ANKS1B: variants seen among roughly 807,000 people sequenced by gnomAD.
ANKS1B encodes the protein ankyrin repeat and sterile alpha motif domain-containing protein 1B.
In ANKS1B, 36 loss-of-function variants were observed where a neutral mutation model predicts 148.3. That is an observed-to-expected ratio of 0.24 (90% CI 0.19 to 0.32). ANKS1B has a LOEUF of 0.32. Ranked by LOEUF, ANKS1B falls within the 10% of genes least tolerant of loss-of-function variation. The pLI is 1.00. For missense variants in ANKS1B, 1,157 were observed against 1,542.6 expected, an observed-to-expected ratio of 0.75 and a Z score of 4.19; for synonymous variants, 542 against 560.8, an observed-to-expected ratio of 0.97 and a Z score of 0.47.
At chr12:98,999,172 T>C (rs746922376) in intron 17 of ANKS1B, among the ~76,000 whole-genome samples, 30 of 152,222 alleles carry the variant, frequency 2.0e-4, no homozygotes, top group Non-Finnish European at 3.8e-4. Flanking sequence ...GAGCTTTAAA[T>C]TTCCTGTGAA....
At chr12:99,449,869 A>T (rs928267860) in intron 10 of ANKS1B, among the ~76,000 whole-genome samples, 5 of 152,014 alleles carry the variant, frequency 3.3e-5, no homozygotes, top group African/African-American at 1.2e-4. Flanking sequence ...TTATCCAGAG[A>T]AATAGGACCA....
At chr12:99,300,826 G>A (rs1278292789) in intron 12 of ANKS1B, among the ~76,000 whole-genome samples, 1 of 152,174 alleles carries the variant, frequency 6.6e-6, no homozygotes, top group African/African-American at 2.4e-5. Flanking sequence ...TGATGCACAT[G>A]TAAAGGCTAG....
intron 9 of ANKS1B, among the ~76,000 whole-genome samples, chr12:99,615,679 C>T (rs1046831882): frequency 1.3e-5 from 2 of 152,102 alleles, no homozygotes; most frequent in African/African-American, 4.8e-5. Context: ...AACCCATAGC[C>T]AATATCATAC....
At chr12:99,616,483 G>A (rs1392917410) in intron 9 of ANKS1B, among the ~76,000 whole-genome samples, 23 of 151,834 alleles carry the variant, frequency 1.5e-4, no homozygotes, top group South Asian at 6.2e-4. Flanking sequence ...CAGAAATAAC[G>A]CCACACATCT....
At chr12:99,884,050 A>T (rs1391716302) in intron 1 of ANKS1B, among the ~76,000 whole-genome samples, 1 of 152,200 alleles carries the variant, frequency 6.6e-6, no homozygotes, top group Non-Finnish European at 1.5e-5. Context: ...CAAAGAAGAT[A>T]CATAGATACT....
At chr12:99,365,055 C>T (rs1002101131) in intron 12 of ANKS1B, among the ~76,000 whole-genome samples, 18 of 152,128 alleles carry the variant, frequency 1.2e-4, no homozygotes, top group Admixed American at 3.9e-4. Context: ...AGAGTCTTAC[C>T]GGAAAACAGA....
At chr12:98,919,851 C>A (rs1184082665) in intron 17 of ANKS1B, among the ~76,000 whole-genome samples, 1 of 152,134 alleles carries the variant, frequency 6.6e-6, no homozygotes, top group Non-Finnish European at 1.5e-5. Context: ...AATGCAACAG[C>A]CAGTTCCAGA....
At chr12:99,472,175 A>G (rs2096251979) in intron 10 of ANKS1B, among the ~76,000 whole-genome samples, 1 of 152,076 alleles carries the variant, frequency 6.6e-6, no homozygotes, top group Admixed American at 6.6e-5. Context: ...GAACATATCT[A>G]TGTCTCCTCT....
At chr12:98,894,920 G>A (rs1036516020) in intron 17 of ANKS1B, 253 of 925,962 alleles carry the variant, frequency 2.7e-4, no homozygotes, top group Middle Eastern at 5.5e-4. Context: ...CGCGCGGCGC[G>A]TGCCCCCCAC....
At chr12:99,702,371 A>G (rs769827761) in intron 8 of ANKS1B, among the ~76,000 whole-genome samples, 21 of 152,012 alleles carry the variant, frequency 1.4e-4, no homozygotes, top group Admixed American at 1.3e-4. Flanking sequence ...TCTTTTGCCC[A>G]TTTTTAAATC....
rs2096687834 is a variant in ANKS1B, at chr12:99,504,590, A to T, written c.1324T>A (p.Ser442Thr). The T allele has an allele frequency of 1.2e-6, 2 of 1,611,512 alleles. No individual in the cohort carries two copies. Among genetic ancestry groups the T allele is most frequent in the Non-Finnish European group, 8.5e-7 (1 of 1,178,676 alleles). Residue 442 changes from serine (S) to threonine (T), a missense_variant, in exon 10 of 27, where the codon TCT (serine) becomes ACT (threonine). Transcript: ENST00000683438. ...NYTMEIVPSA[S>T]LDTFPSENEN... is the part of the protein sequence containing the mutation. ...TTTTCTGAAGGAAATGTATCCAGAGAAGCAGATGGTACAATTTCCATAGTG... is the reference window on the plus strand; with the variant it reads ...TTTTCTGAAGGAAATGTATCCAGAGTAGCAGATGGTACAATTTCCATAGTG...
chr12:98,884,805 CAAAAAAAAA>C (rs35160751), intron 17 of ANKS1B, among the ~76,000 whole-genome samples: 1 of 83,828 alleles, frequency 1.2e-5, no homozygotes, highest in Non-Finnish European at 2.4e-5. Context: ...GACTCCGTCT[CAAAAAAAAA>C]AAAAAAAAAA....
chr12:99,628,617 AT>A (rs2098131042), intron 9 of ANKS1B, among the ~76,000 whole-genome samples: 1 of 152,218 alleles, frequency 6.6e-6, no homozygotes, highest in Non-Finnish European at 1.5e-5. Context: ...TGCTATTAGT[AT>A]AACAGAATAC....
At chr12:99,708,587 T>C (rs1567687994) in intron 8 of ANKS1B, among the ~76,000 whole-genome samples, 1 of 152,180 alleles carries the variant, frequency 6.6e-6, no homozygotes, top group Non-Finnish European at 1.5e-5. Context: ...GTATTCCTCA[T>C]TGGCTCTGGC....
chr12:98,928,234 T>A (rs779103295), intron 17 of ANKS1B, among the ~76,000 whole-genome samples: 2 of 150,972 alleles, frequency 1.3e-5, no homozygotes. Context: ...TGAAACCAAC[T>A]CAAGAAAAAT....
intron 1 of ANKS1B, among the ~76,000 whole-genome samples, chr12:99,972,480 A>G (rs889753592): frequency 6.6e-6 from 1 of 152,226 alleles, no homozygotes; most frequent in Non-Finnish European, 1.5e-5. Context: ...CATAACAGCA[A>G]CACAACATTC....
chr12:99,210,570 T>C (rs558759017), intron 14 of ANKS1B, among the ~76,000 whole-genome samples: 1 of 152,338 alleles, frequency 6.6e-6, no homozygotes, highest in South Asian at 2.1e-4. Context: ...ATTGTACTAG[T>C]GTTCCCTTTT....
At chr12:99,226,685 T>C (rs1299267486) in intron 14 of ANKS1B, among the ~76,000 whole-genome samples, 1 of 152,188 alleles carries the variant, frequency 6.6e-6, no homozygotes, top group Non-Finnish European at 1.5e-5. Flanking sequence ...ATGTCCTTTG[T>C]GGTATGATTA....
chr12:99,620,722 A>T (rs1277162253), intron 9 of ANKS1B, among the ~76,000 whole-genome samples: 1 of 152,016 alleles, frequency 6.6e-6, no homozygotes, highest in Non-Finnish European at 1.5e-5. Flanking sequence ...AGAGAATTTT[A>T]AAAAATGAAC....
Sources: gnomAD v4.1 joint callset for allele counts (sites outside exome capture counted in the v4.1 genomes callset) on GRCh38, gnomAD v4.1.1 for gene constraint, MANE v1.5 for transcripts, NCBI Gene and HGNC (gene_info 2026-07-23, HGNC 2026-07-21) for gene names.